TMEM178A: variants seen among roughly 807,000 people sequenced by gnomAD.
TMEM178A encodes the protein transmembrane protein 178.
A neutral mutation model predicts 29.1 loss-of-function variants in TMEM178A; 12 were observed. The ratio of observed to expected loss-of-function variants is 0.41; its 90% CI spans 0.26 to 0.67. The LOEUF is 0.67. Ranked by LOEUF, TMEM178A falls within the 30% of genes least tolerant of loss-of-function variation. The pLI is 0.29. For missense variants in TMEM178A, 366 were observed against 419.1 expected (o/e 0.87, Z 1.11); for synonymous variants, 210 against 187.2 (o/e 1.12, Z -0.99).
At chr2:39,708,570 C>T (rs1479524631) in intron 3 of TMEM178A, among the ~76,000 whole-genome samples, 1 of 150,982 alleles carries the variant, frequency 6.6e-6, no homozygotes, top group Non-Finnish European at 1.5e-5. Flanking sequence ...AGGCGCGCGC[C>T]ACCATGCCCG....
At chr2:39,705,833 C>T (rs1398930983) in intron 2 of TMEM178A, among the ~76,000 whole-genome samples, 3 of 152,212 alleles carry the variant, frequency 2.0e-5, no homozygotes, top group Non-Finnish European at 4.4e-5. Context: ...TGCACCTTGT[C>T]TTGGCCCCAT....
the TMEM178A span, among the ~76,000 whole-genome samples, chr2:39,724,798 G>A: frequency 2.0e-3 from 304 of 152,270 alleles, 7 homozygotes; most frequent in Admixed American, 0.019. Flanking sequence ...TCTGGCAGAA[G>A]GTTCACCTCC....
At chr2:39,677,754 G>A (rs1670690783) in intron 1 of TMEM178A, among the ~76,000 whole-genome samples, 1 of 151,660 alleles carries the variant, frequency 6.6e-6, no homozygotes, top group Non-Finnish European at 1.5e-5. Flanking sequence ...TGGACCTCTC[G>A]TTCGACACCG....
At chr2:39,693,678 C>T (rs1671417228) in intron 1 of TMEM178A, among the ~76,000 whole-genome samples, 1 of 152,256 alleles carries the variant, frequency 6.6e-6, no homozygotes, top group Non-Finnish European at 1.5e-5. Context: ...CTGTAAGCCA[C>T]ATAAAATTAT....
In TMEM178A at chr2:39,701,345, A is replaced by T. The variant is rs568204004; in HGVS notation, c.401-2736A>T. Among the ~76,000 whole-genome samples, 3 of 152,040 alleles carry T rather than the reference A, an allele frequency of 2.0e-5. No individual in the cohort carries two copies. The East Asian group carries it at 5.8e-4, about 29-fold the overall frequency. ...AGGATTCTTGGTTGACAGTCTTCTTATTTCTGTGTTTTGAATGTGTCATCC... is the reference window on the plus strand; with the variant it reads ...AGGATTCTTGGTTGACAGTCTTCTTTTTTCTGTGTTTTGAATGTGTCATCC... On this transcript the variant is annotated intron_variant, in intron 1 of 3. Coordinates refer to ENST00000281961, the MANE Select transcript of TMEM178A (RefSeq NM_152390.3).
chr2:39,704,238 C>A, intron 2 of TMEM178A, 44 bp downstream of exon 2: 1 of 1,557,500 alleles, frequency 6.4e-7, no homozygotes, highest in Non-Finnish European at 8.8e-7. Context: ...TGGTGTCATT[C>A]TGAACAAAAT....
At chr2:39,691,409 GAAATT>G (rs1481891905) in intron 1 of TMEM178A, among the ~76,000 whole-genome samples, 1 of 152,144 alleles carries the variant, frequency 6.6e-6, no homozygotes, top group African/African-American at 2.4e-5. Flanking sequence ...AGTGCTGAAA[GAAATT>G]AAAAAACACC....
At chr2:39,674,781 G>A (rs560377518) in intron 1 of TMEM178A, among the ~76,000 whole-genome samples, 1 of 152,290 alleles carries the variant, frequency 6.6e-6, no homozygotes, top group Non-Finnish European at 1.5e-5. Context: ...CCAGCCAGAA[G>A]ATACCCGCTG....
At chr2:39,710,717 G>C (rs148454055) in intron 3 of TMEM178A, among the ~76,000 whole-genome samples, 1 of 152,168 alleles carries the variant, frequency 6.6e-6, no homozygotes, top group Non-Finnish European at 1.5e-5. Flanking sequence ...TAAAAGAATC[G>C]ATTTTAATTA....
chr2:39,687,313 GA>G (rs1453378299), intron 1 of TMEM178A: 1 of 166,990 alleles, frequency 6.0e-6, no homozygotes, highest in East Asian at 1.9e-4. Flanking sequence ...ATTCAGTTTA[GA>G]AGGCGCAACT....
At chr2:39,687,077 C>A (rs2540246) in intron 1 of TMEM178A, among the ~76,000 whole-genome samples, 3,709 of 151,692 alleles carry the variant, frequency 0.024, 164 homozygotes, top group African/African-American at 0.086. Flanking sequence ...CAAGTTGTCT[C>A]ACCCTCTCCT....
rs529932029 is a variant in TMEM178A, at chr2:39,673,859, C to G, written c.400+7485C>G. On this transcript the variant is annotated intron_variant, in intron 1 of 3. Coordinates refer to ENST00000281961, the MANE Select transcript of TMEM178A (RefSeq NM_152390.3). ...AGCACTTGCTTCACTCAACAATCAT[C>G]AACAAATGTTAAAAATGATTTTTTT... 2.6e-5 allele frequency among the ~76,000 whole-genome samples: 4 copies of G among 152,196 alleles called. No individual in the cohort carries two copies. In the South Asian group the frequency reaches 8.3e-4, roughly 32 times the overall value.
At chr2:39,708,697 G>T (rs561836334) in intron 3 of TMEM178A, among the ~76,000 whole-genome samples, 1 of 152,072 alleles carries the variant, frequency 6.6e-6, no homozygotes, top group East Asian at 1.9e-4. Flanking sequence ...GATTACAGGC[G>T]TGAGCCACCG....
intron 1 of TMEM178A, among the ~76,000 whole-genome samples, chr2:39,698,694 C>T (rs2716702): frequency 0.076 from 10,054 of 131,794 alleles, 1,122 homozygotes; most frequent in African/African-American, 0.24. Flanking sequence ...TTCCTTCATG[C>T]TCTATTTTTT....
the TMEM178A span, among the ~76,000 whole-genome samples, chr2:39,730,901 G>A: frequency 6.6e-6 from 1 of 152,160 alleles, no homozygotes; most frequent in Non-Finnish European, 1.5e-5. Context: ...ACCATCTATT[G>A]GCTGTTGGTT....
intron 2 of TMEM178A, among the ~76,000 whole-genome samples, chr2:39,704,761 A>G (rs995050511): frequency 2.6e-5 from 4 of 152,164 alleles, no homozygotes; most frequent in Non-Finnish European, 4.4e-5. Context: ...TTACCTAAAA[A>G]CTGTTGATTT....
intron 1 of TMEM178A, among the ~76,000 whole-genome samples, chr2:39,683,471 C>T (rs550106144): frequency 1.3e-5 from 2 of 152,300 alleles, no homozygotes; most frequent in Admixed American, 6.5e-5. Context: ...GCCCTGCAAT[C>T]GGATCTGGTG....
At chr2:39,734,137 T>A in the TMEM178A span, among the ~76,000 whole-genome samples, 1 of 152,166 alleles carries the variant, frequency 6.6e-6, no homozygotes, top group Non-Finnish European at 1.5e-5. Flanking sequence ...CTCCAGCTCT[T>A]TTCCTATTTT....
intron 3 of TMEM178A, among the ~76,000 whole-genome samples, chr2:39,708,512 G>A (rs1332996403): frequency 1.5e-5 from 2 of 132,832 alleles, no homozygotes; most frequent in South Asian, 5.4e-4. Flanking sequence ...TCCGCCTCCC[G>A]GGTTCACGCC....
Sources: gnomAD v4.1 joint callset for allele counts (sites outside exome capture counted in the v4.1 genomes callset) on GRCh38, gnomAD v4.1.1 for gene constraint, MANE v1.5 for transcripts, NCBI Gene and HGNC (gene_info 2026-07-23, HGNC 2026-07-21) for gene names.